Variants in DNAJC6 observed in about 807,000 individuals in gnomAD.
DNAJC6 encodes the protein DnaJ heat shock protein family (Hsp40) member C6, also known as auxilin.
In DNAJC6, 34 loss-of-function variants were observed where a neutral mutation model predicts 110.0. The ratio of observed to expected loss-of-function variants is 0.31; its 90% CI spans 0.24 to 0.41. The LOEUF (loss-of-function observed/expected upper bound fraction) is 0.41. DNAJC6 is among the 10% of genes least tolerant of loss of function. The pLI, the probability that DNAJC6 is intolerant of heterozygous loss-of-function variation, is 1.00. For missense variants in DNAJC6, 1,031 were observed against 1,207.8 expected, an observed-to-expected ratio of 0.85 and a Z score of 2.17; for synonymous variants, 406 against 437.2, an observed-to-expected ratio of 0.93 and a Z score of 0.89.
In DNAJC6 at chr1:65,406,139, G is replaced by A; in HGVS notation, c.2491+6G>A. On this transcript the variant is annotated splice_donor_region_variant and intron_variant, in intron 16 of 18. Coordinates refer to ENST00000371069, the MANE Select transcript of DNAJC6 (RefSeq NM_001256864.2). ...GAAAGGATCAAGTAATTTGGGTAAGGATAATGGTATGGGACCTAGCTATGG... is the reference window on the plus strand; with the variant it reads ...GAAAGGATCAAGTAATTTGGGTAAGAATAATGGTATGGGACCTAGCTATGG... 3 of 1,612,194 alleles carry A rather than the reference G, an allele frequency of 1.9e-6. No homozygotes were observed. Among genetic ancestry groups the A allele is most frequent in the Non-Finnish European group, 2.5e-6 (3 of 1,178,856 alleles).
At chr1:65,313,206 C>G (rs111359894) in intron 1 of DNAJC6, among the ~76,000 whole-genome samples, 8,770 of 151,566 alleles carry the variant, frequency 0.058, 833 homozygotes, top group African/African-American at 0.2. Flanking sequence ...GTATGAACCA[C>G]CATGCCTGGC....
At chr1:65,298,907 A>G (rs1216709397) in intron 1 of DNAJC6, 1 of 152,234 alleles carries the variant, frequency 6.6e-6, no homozygotes, top group African/African-American at 2.4e-5. Flanking sequence ...TGCTCCAACA[A>G]TATGAAATGA....
In DNAJC6 at chr1:65,386,873, G is replaced by A. The variant is rs144323705; in HGVS notation, c.1057G>A (p.Val353Met). Reference protein sequence around the residue: ...IPLNITVQGDVVVSMYHLRST... With the variant: ...IPLNITVQGDMVVSMYHLRST... ...CTTGAACATCACTGTGCAAGGAGACGTGGTTGTTTCCATGTATCACTTGAG... is the reference window on the plus strand; with the variant it reads ...CTTGAACATCACTGTGCAAGGAGACATGGTTGTTTCCATGTATCACTTGAG... Residue 353 changes from valine to methionine, a missense_variant, in exon 8 of 19, where the codon GTG becomes ATG. Physicochemically the swap from Val to Met is conservative, Grantham distance 21. Transcript: ENST00000371069. 4.8e-5 allele frequency: 78 copies of A among 1,614,156 alleles called. No homozygotes were observed. The highest frequency in any genetic ancestry group is 4.2e-5 in the Non-Finnish European group (49 of 1,180,010).
chr1:65,366,345 C>A, intron 4 of DNAJC6, 149 bp downstream of exon 4: 1 of 848,922 alleles, frequency 1.2e-6, no homozygotes, highest in Admixed American at 2.7e-5. Context: ...ATTTATTAGG[C>A]TGCTATGAGA....
chr1:65,296,686 C>G lies in DNAJC6; in HGVS notation c.-131+31754C>G, dbSNP rs1644932635. The stretch of plus-strand genomic sequence containing the variant: ...CACTGCAACATCCACCTTCTGGGTT[C>G]AAGCAATTCTCTGCCTCAGCCTCCT... On this transcript the variant is annotated intron_variant, in intron 1 of 19. Coordinates refer to the DNAJC6 transcript ENST00000263441. 2.0e-5 allele frequency among the ~76,000 whole-genome samples: 3 copies of G among 148,228 alleles called. No individual in the cohort carries two copies. The South Asian group carries it at 6.4e-4, about 31-fold the overall frequency.
At chr1:65,365,978 C>T (rs766513272) in intron 3 of DNAJC6, 44 bp downstream of exon 3, 41 of 1,612,438 alleles carry the variant, frequency 2.5e-5, no homozygotes, top group Non-Finnish European at 3.1e-5. Context: ...CTCAGTTTCC[C>T]GTTGCTGCCC....
chr1:65,284,886 C>T (rs557581412), intron 1 of DNAJC6, among the ~76,000 whole-genome samples: 75 of 152,070 alleles, frequency 4.9e-4, no homozygotes, highest in Middle Eastern at 3.4e-3. Context: ...TGGGGTTTCA[C>T]CACGTTGGCC....
intron 1 of DNAJC6, among the ~76,000 whole-genome samples, chr1:65,333,967 A>G (rs1645311532): frequency 1.3e-5 from 2 of 152,242 alleles, no homozygotes; most frequent in Non-Finnish European, 2.9e-5. Context: ...GGCTTCAGCC[A>G]TGTCTGTATC....
chr1:65,356,127 C>T (rs1197785360), intron 1 of DNAJC6, among the ~76,000 whole-genome samples: 1 of 151,886 alleles, frequency 6.6e-6, no homozygotes, highest in Non-Finnish European at 1.5e-5. Context: ...TAATGCCTAA[C>T]CTCTTGTTTG....
chr1:65,411,739 G>A (rs1425822781), intron 18 of DNAJC6, among the ~76,000 whole-genome samples: 2 of 151,874 alleles, frequency 1.3e-5, no homozygotes, highest in African/African-American at 2.4e-5. Context: ...GGGGGGCAGG[G>A]TAGGCGAATC....
intron 13 of DNAJC6, among the ~76,000 whole-genome samples, chr1:65,396,859 G>A (rs1476244605): frequency 3.9e-5 from 6 of 152,056 alleles, no homozygotes; most frequent in Non-Finnish European, 8.8e-5. Context: ...AATATAAAAT[G>A]AATTAACTCA....
chr1:65,399,405 G>A (rs1274896371), intron 14 of DNAJC6, among the ~76,000 whole-genome samples: 1 of 152,124 alleles, frequency 6.6e-6, no homozygotes, highest in African/African-American at 2.4e-5. Context: ...TGGCATTTAT[G>A]GAGCTGTCTT....
intron 5 of DNAJC6, among the ~76,000 whole-genome samples, chr1:65,380,936 T>TTTC (rs1645815484): frequency 6.9e-6 from 1 of 144,844 alleles, no homozygotes; most frequent in African/African-American, 2.7e-5. Context: ...TTTTTTTTTT[T>TTTC]TGGGACCGAG....
At chr1:65,343,518 C>T (rs1462156019) in intron 1 of DNAJC6, among the ~76,000 whole-genome samples, 5 of 152,158 alleles carry the variant, frequency 3.3e-5, no homozygotes, top group Non-Finnish European at 1.5e-5. Flanking sequence ...GGATATGCAT[C>T]ATCCCTTTGT....
At chr1:65,398,367 T>C (rs1016553587) in intron 13 of DNAJC6, among the ~76,000 whole-genome samples, 4 of 152,204 alleles carry the variant, frequency 2.6e-5, no homozygotes, top group Non-Finnish European at 4.4e-5. Context: ...CTATACTTAA[T>C]GCTTAGCAAA....
chr1:65,296,005 A>AC (rs1644925541), intron 1 of DNAJC6, among the ~76,000 whole-genome samples: 1 of 152,216 alleles, frequency 6.6e-6, no homozygotes, highest in Non-Finnish European at 1.5e-5. Flanking sequence ...TGAGCTTAAG[A>AC]CATAGTTACC....
At chr1:65,302,346 C>T (rs1470969917) in intron 1 of DNAJC6, among the ~76,000 whole-genome samples, 2 of 136,732 alleles carry the variant, frequency 1.5e-5, no homozygotes, top group East Asian at 4.2e-4. Flanking sequence ...AATATCCCCT[C>T]CACAACTCAT....
intron 1 of DNAJC6, among the ~76,000 whole-genome samples, chr1:65,303,950 T>C (rs1471898032): frequency 6.6e-6 from 1 of 152,136 alleles, no homozygotes; most frequent in Non-Finnish European, 1.5e-5. Context: ...ATCAGTGGAA[T>C]TGCCTCTTTA....
chr1:65,371,926 G>C (rs950523964), intron 4 of DNAJC6, among the ~76,000 whole-genome samples: 1 of 152,072 alleles, frequency 6.6e-6, no homozygotes, highest in African/African-American at 2.4e-5. Context: ...ATGCCTTAGT[G>C]TTTTCCCCTT....
Sources: gnomAD v4.1 joint callset for allele counts (sites outside exome capture counted in the v4.1 genomes callset) on GRCh38, gnomAD v4.1.1 for gene constraint, MANE v1.5 for transcripts, NCBI Gene and HGNC (gene_info 2026-07-23, HGNC 2026-07-21) for gene names.